Variants in GTF3C1 observed in about 807,000 individuals in gnomAD.
GTF3C1 encodes general transcription factor IIIC subunit 1.
GTF3C1 carries 57 observed loss-of-function variants against 226.7 expected under a neutral mutation model. The ratio of observed to expected loss-of-function variants is 0.25; its 90% CI spans 0.20 to 0.31. The LOEUF (loss-of-function observed/expected upper bound fraction) is 0.31. Among genes scored for constraint, GTF3C1 ranks in the 10% least tolerant of loss-of-function variants. The pLI is 1.00. For synonymous variants in GTF3C1, 1,090 were observed against 1,084.8 expected (o/e 1.00, Z -0.09); for missense variants, 2,217 against 2,776.1 (o/e 0.80, Z 4.53).
At chr16:27,480,167 C>T (rs1186945867) in intron 27 of GTF3C1, among the ~76,000 whole-genome samples, 1 of 147,150 alleles carries the variant, frequency 6.8e-6, no homozygotes, top group Non-Finnish European at 1.5e-5. Context: ...TGCCACTGCA[C>T]TCCAGCCCGG....
At chr16:27,479,456 AAACT>A (rs550081313) in intron 27 of GTF3C1, among the ~76,000 whole-genome samples, 8 of 152,248 alleles carry the variant, frequency 5.3e-5, no homozygotes, top group South Asian at 2.1e-4. Context: ...GGTTTCTAAC[AAACT>A]AACAGAAAAA....
intron 2 of GTF3C1, among the ~76,000 whole-genome samples, chr16:27,540,042 C>A (rs1382290459): frequency 6.6e-6 from 1 of 152,142 alleles, no homozygotes; most frequent in East Asian, 1.9e-4. Context: ...CTCTTCTCAG[C>A]CCTAGTATTT....
chr16:27,460,675 TA>T lies in GTF3C1; in HGVS notation c.*674del, dbSNP rs760161820. ...ACACTCCACAGGGACTTTTTTTTTT[TA>T]ATGAGGAAAAAAGGTGAAAGAACAA... On this transcript the variant is annotated 3_prime_UTR_variant, in exon 37 of 37. Coordinates refer to ENST00000356183, the MANE Select transcript of GTF3C1 (RefSeq NM_001520.4). The T allele has an allele frequency of 6.6e-6, 1 of 152,008 alleles. No individual in the cohort carries two copies. Among genetic ancestry groups the T allele is most frequent in the Non-Finnish European group, 1.5e-5 (1 of 67,986 alleles). 9.4% of individuals were successfully genotyped at this position (152,008 alleles called of 1,614,324 possible).
chr16:27,515,045 T>C (rs905241413), intron 6 of GTF3C1, among the ~76,000 whole-genome samples: 1 of 152,150 alleles, frequency 6.6e-6, no homozygotes, highest in Non-Finnish European at 1.5e-5. Context: ...TAGGAAAAGA[T>C]ACACAGGACA....
At chr16:27,542,556 C>T (rs1014861294) in intron 2 of GTF3C1, among the ~76,000 whole-genome samples, 3 of 149,812 alleles carry the variant, frequency 2.0e-5, no homozygotes, top group Non-Finnish European at 3.0e-5. Context: ...AGCAAAACCC[C>T]GCCTCAAAAA....
At chr16:27,509,152 A>C (rs2088533143) in intron 7 of GTF3C1, among the ~76,000 whole-genome samples, 2 of 152,068 alleles carry the variant, frequency 1.3e-5, no homozygotes, top group South Asian at 4.1e-4. Flanking sequence ...ACTGTCCCAT[A>C]AGAGTCGTGC....
intron 29 of GTF3C1, among the ~76,000 whole-genome samples, chr16:27,475,964 T>C (rs1020140918): frequency 6.6e-6 from 1 of 151,980 alleles, no homozygotes; most frequent in Non-Finnish European, 1.5e-5. Flanking sequence ...ATTGTGGAGG[T>C]CACTAGATCC....
chr16:27,474,119 C>G (rs969597096), intron 29 of GTF3C1, among the ~76,000 whole-genome samples: 1 of 152,198 alleles, frequency 6.6e-6, no homozygotes, highest in South Asian at 2.1e-4. Flanking sequence ...TTGAGGGGAG[C>G]CTCGCGGGGT....
At chr16:27,548,672 T>C (rs1317224546) in intron 1 of GTF3C1, among the ~76,000 whole-genome samples, 1 of 152,202 alleles carries the variant, frequency 6.6e-6, no homozygotes, top group Non-Finnish European at 1.5e-5. Flanking sequence ...TAGTCACTTA[T>C]TGCCCCCAGA....
At chr16:27,532,782 G>A (rs1157639082) in intron 5 of GTF3C1, among the ~76,000 whole-genome samples, 2 of 152,168 alleles carry the variant, frequency 1.3e-5, no homozygotes, top group East Asian at 1.9e-4. Flanking sequence ...ACGAACTCCA[G>A]GGGAGAAATG....
chr16:27,481,401 G>A (rs1001858227), intron 26 of GTF3C1, among the ~76,000 whole-genome samples: 1 of 152,034 alleles, frequency 6.6e-6, no homozygotes, highest in Non-Finnish European at 1.5e-5. Context: ...TCACCACTAC[G>A]CTCAGGAAAC....
rs1278860494 is a variant in GTF3C1 at position 27,488,365 on chromosome 16, A to G, written c.3562T>C (p.Cys1188Arg). The change falls in exon 23 of 37, where the codon TGT becomes CGT. Residue 1188 changes from cysteine to arginine, a missense_variant. Coordinates refer to ENST00000356183, the MANE Select transcript of GTF3C1 (RefSeq NM_001520.4). ...TCAAACTGCTCTTCCCAGCCAGCACAGAGCTCGGAGCCTACTCTTGCTTCC... is the reference window on the plus strand; with the variant it reads ...TCAAACTGCTCTTCCCAGCCAGCACGGAGCTCGGAGCCTACTCTTGCTTCC... ...WGEARVGSEL[C>R]AGWEEQFEVD... 3 of 1,613,814 alleles carry G rather than the reference A, an allele frequency of 1.9e-6. No homozygotes were observed. In the Admixed American group the frequency reaches 5.0e-5, roughly 27 times the overall value.
chr16:27,538,665 C>T (rs1406255239), intron 2 of GTF3C1, among the ~76,000 whole-genome samples: 4 of 152,196 alleles, frequency 2.6e-5, no homozygotes, highest in African/African-American at 9.7e-5. Flanking sequence ...TCCTGGAAAG[C>T]TCTCCACGGC....
chr16:27,531,916 CTG>C (rs1567412740), intron 5 of GTF3C1, among the ~76,000 whole-genome samples: 1 of 152,158 alleles, frequency 6.6e-6, no homozygotes. Context: ...CTCTGATAAA[CTG>C]AGACACAGAG....
intron 4 of GTF3C1, among the ~76,000 whole-genome samples, chr16:27,534,089 G>A (rs2088963064): frequency 6.6e-6 from 1 of 152,184 alleles, no homozygotes; most frequent in Admixed American, 6.5e-5. Flanking sequence ...AGTTCAGGCT[G>A]GAGACACAAA....
In GTF3C1 at chr16:27,463,518, CG is replaced by C. The variant is rs1567381465; in HGVS notation, c.5924+22del. On this transcript the variant is annotated intron_variant, in intron 35 of 36. Transcript: ENST00000356183. The surrounding 1 kb of genome is among the most constrained non-coding windows in gnomAD (Gnocchi z 4.9). Reference sequence around the variant, plus strand: ...CTGTCAAGAGCCCCGCCCCAGGCCCCGGAGCCAGAACCCCACACCCACCTTT... The same window carrying C: ...CTGTCAAGAGCCCCGCCCCAGGCCCCGAGCCAGAACCCCACACCCACCTTT... 2 of 1,481,794 alleles carry C rather than the reference CG, an allele frequency of 1.3e-6. No homozygotes were observed. Among genetic ancestry groups the C allele is most frequent in the East Asian group, 2.3e-5 (1 of 44,220 alleles). The allele number at this position is 1,481,794 out of a possible 1,614,324, so 91.8% of individuals were successfully genotyped here.
chr16:27,487,108 A>G (rs1243256966), intron 23 of GTF3C1, among the ~76,000 whole-genome samples: 1 of 152,226 alleles, frequency 6.6e-6, no homozygotes, highest in Non-Finnish European at 1.5e-5. Context: ...AAGGCAGAAG[A>G]AAAGTGGGGA....
chr16:27,518,298 G>A (rs2088693098), intron 6 of GTF3C1, among the ~76,000 whole-genome samples: 2 of 152,182 alleles, frequency 1.3e-5, no homozygotes, highest in African/African-American at 4.8e-5. Context: ...GGGCAATGGT[G>A]GTACAGGTTA....
At chr16:27,478,918 TAGA>T (rs1158455200) in intron 27 of GTF3C1, among the ~76,000 whole-genome samples, 2 of 149,244 alleles carry the variant, frequency 1.3e-5, no homozygotes, top group Non-Finnish European at 3.0e-5. Flanking sequence ...ATTATTCTCA[TAGA>T]AGAAGGAAAA....
Sources: gnomAD v4.1 joint callset for allele counts (sites outside exome capture counted in the v4.1 genomes callset) on GRCh38, gnomAD v4.1.1 for gene constraint, Gnocchi (gnomAD v3.1) non-coding constraint, MANE v1.5 for transcripts, NCBI Gene and HGNC (gene_info 2026-07-23, HGNC 2026-07-21) for gene names.